The following LAMP3 variants were observed in gnomAD, a reference collection of about 807,000 sequenced individuals.
The protein encoded by LAMP3 is lysosome-associated membrane glycoprotein 3.
A neutral mutation model predicts 34.8 loss-of-function variants in LAMP3; 26 were observed. That is an observed-to-expected ratio of 0.75 (90% confidence interval 0.55 to 1.04). LAMP3 has a LOEUF of 1.04. LAMP3 is among the 50% of genes least tolerant of loss of function. The pLI is 0.00. For missense variants in LAMP3, 495 were observed against 524.0 expected (o/e 0.94, Z 0.54); for synonymous variants, 180 against 201.9 (o/e 0.89, Z 0.92).
At chr3:183,131,832 A>G in intron 5 of LAMP3, 1 of 693,704 alleles carries the variant, frequency 1.4e-6, no homozygotes, top group Non-Finnish European at 1.8e-6. Context: ...TGAATGAAAA[A>G]CCCCCATCAA....
chr3:183,135,634 G>C, intron 5 of LAMP3, 83 bp downstream of exon 5: 3 of 1,283,852 alleles, frequency 2.3e-6, no homozygotes, highest in Non-Finnish European at 3.3e-6. Context: ...TTGCTCCTTC[G>C]ACAGCTGCAG....
At chr3:183,146,490 G>A (rs1032197673) in intron 3 of LAMP3, among the ~76,000 whole-genome samples, 7 of 150,044 alleles carry the variant, frequency 4.7e-5, no homozygotes, top group African/African-American at 7.3e-5. Context: ...CTGGCCTTCA[G>A]TTGTATGTTT....
intron 3 of LAMP3, among the ~76,000 whole-genome samples, chr3:183,150,171 C>T (rs868170603): frequency 5.9e-5 from 9 of 152,162 alleles, no homozygotes; most frequent in Non-Finnish European, 8.8e-5. Context: ...GCTTCTGGCT[C>T]TTTCTGGACA....
chr3:183,160,526 G>C (rs918653349), intron 1 of LAMP3, among the ~76,000 whole-genome samples: 5 of 152,142 alleles, frequency 3.3e-5, no homozygotes, highest in African/African-American at 1.2e-4. Context: ...ACTGTGCCCA[G>C]CCAAGGCCAG....
Position 183,154,057 on chromosome 3 carries a change from G to C in LAMP3, c.384C>G (p.Ser128Arg), listed in dbSNP as rs755331094. 1 of 1,614,166 alleles carries C rather than the reference G, an allele frequency of 6.2e-7. No homozygotes were observed. The highest frequency in any genetic ancestry group is 1.1e-5 in the South Asian group (1 of 91,082). The change falls in exon 2 of 6, where the codon AGC (serine) becomes AGG (arginine). Residue 128 changes from serine (S) to arginine (R), a missense_variant. Transcript: ENST00000265598. ...PPVTEVTVGP[S>R]LAPYSLPPTI... Reference sequence around the variant, plus strand: ...TGGGTGGCAGTGAATAAGGGGCTAAGCTAGGGCCGACTGTAACTTCAGTAA... The same window carrying C: ...TGGGTGGCAGTGAATAAGGGGCTAACCTAGGGCCGACTGTAACTTCAGTAA...
At chr3:183,161,888 C>T (rs1019683278) in intron 1 of LAMP3, 1 of 858,924 alleles carries the variant, frequency 1.2e-6, no homozygotes, top group Non-Finnish European at 1.4e-6. Flanking sequence ...GGAGAACTGC[C>T]TAGGCAAGGG....
chr3:183,130,909 T>C (rs1719900816), intron 5 of LAMP3, among the ~76,000 whole-genome samples: 1 of 152,082 alleles, frequency 6.6e-6, no homozygotes, highest in Admixed American at 6.6e-5. Flanking sequence ...ATCACAGGCT[T>C]CTTAGGGTGA....
chr3:183,162,452 A>G (rs1444736028), intron 1 of LAMP3, among the ~76,000 whole-genome samples, 155 bp downstream of exon 1: 1 of 152,130 alleles, frequency 6.6e-6, no homozygotes, highest in Non-Finnish European at 1.5e-5. Context: ...GCTCTGAGTA[A>G]CTCACGGAAA....
intron 5 of LAMP3, among the ~76,000 whole-genome samples, chr3:183,135,120 C>T (rs552366158): frequency 5.9e-5 from 9 of 152,354 alleles, no homozygotes; most frequent in Middle Eastern, 6.8e-3. Flanking sequence ...ATCAGGCAAG[C>T]TCTGCCTGTG....
intron 5 of LAMP3, chr3:183,132,070 G>A (rs1330847148): frequency 1.0e-6 from 1 of 985,048 alleles, no homozygotes; most frequent in Non-Finnish European, 1.2e-6. Flanking sequence ...ACATTTACAA[G>A]AATAAAATAA....
rs1719703621 is a variant in LAMP3, at chr3:183,122,921, T to G, written c.*1160A>C. ...CAAAGACCTTGATGTCAGACCAACA[T>G]GAATTCAAGCTCTGGCTCTGCCATC... is the stretch of plus-strand genomic sequence containing the variant. On this transcript the variant is annotated 3_prime_UTR_variant, in exon 6 of 6. Coordinates refer to ENST00000265598, the MANE Select transcript of LAMP3 (RefSeq NM_014398.4). The G allele has an allele frequency of 6.6e-6, 1 of 152,152 alleles. No homozygotes were observed. The highest frequency in any genetic ancestry group is 2.4e-5 in the African/African-American group (1 of 41,430). 9.4% of individuals were successfully genotyped at this position (152,152 alleles called of 1,614,324 possible). A position where few individuals can be genotyped will look rare whatever the true frequency, so the allele number is the denominator to read the frequency against.
chr3:183,135,860 G>A lies in LAMP3; in HGVS notation c.974C>T (p.Ala325Val), dbSNP rs145020803. The change falls in exon 5 of 6, where the codon GCG becomes GTG. Residue 325 changes from alanine (A) to valine (V), a missense_variant. By Grantham distance (64) the Ala-to-Val change is moderately conservative (BLOSUM62 0). Transcript: ENST00000265598. ...PETIYQGIKH[A>V]VVMFQTAVGH... ...GACTGCTGTCTGGAACATCACCACC[G>A]CATGTTTGATTCCTTGGTAAATTGT... is the stretch of plus-strand genomic sequence containing the variant. 856 of 1,613,750 alleles carry A rather than the reference G, an allele frequency of 5.3e-4. No individual in the cohort carries two copies. Among genetic ancestry groups the A allele is most frequent in the South Asian group, 6.9e-4 (63 of 91,072 alleles).
chr3:183,125,237 A>C (rs1472620297), intron 5 of LAMP3, among the ~76,000 whole-genome samples: 4 of 152,234 alleles, frequency 2.6e-5, no homozygotes, highest in African/African-American at 9.6e-5. Flanking sequence ...TTATAGCTAA[A>C]AAGATACATG....
chr3:183,122,372 C>A lies in LAMP3; in HGVS notation c.*1709G>T, dbSNP rs895387191. 2 of 152,132 alleles carry A rather than the reference C, an allele frequency of 1.3e-5. No homozygotes were observed. Among genetic ancestry groups the A allele is most frequent in the African/African-American group, 4.8e-5 (2 of 41,418 alleles). 9.4% of individuals were successfully genotyped at this position (152,132 alleles called of 1,614,324 possible). A position where few individuals can be genotyped will look rare whatever the true frequency, so the allele number is the denominator to read the frequency against. ...TTGAATTATTCCTTGACTAAGAATT[C>A]TAGGGTTATGTGGACTTTTCTGTTA... On this transcript the variant is annotated 3_prime_UTR_variant, in exon 6 of 6. Coordinates refer to ENST00000265598, the MANE Select transcript of LAMP3 (RefSeq NM_014398.4).
chr3:183,155,013 C>G (rs1415690554), intron 1 of LAMP3, among the ~76,000 whole-genome samples: 1 of 152,170 alleles, frequency 6.6e-6, no homozygotes, highest in Non-Finnish European at 1.5e-5. Flanking sequence ...CTCCTGGGTT[C>G]AAGCGATTCT....
chr3:183,126,172 C>T (rs181088894), intron 5 of LAMP3, among the ~76,000 whole-genome samples: 2 of 151,672 alleles, frequency 1.3e-5, no homozygotes, highest in Admixed American at 6.6e-5. Context: ...TTTAAATATA[C>T]GTAAAAACTA....
chr3:183,161,600 G>A (rs1234952276), intron 1 of LAMP3, among the ~76,000 whole-genome samples: 4 of 151,902 alleles, frequency 2.6e-5, no homozygotes, highest in Admixed American at 2.0e-4. Flanking sequence ...CGGTGGCCAG[G>A]CTAGTCTCGA....
chr3:183,156,529 C>T (rs2108614012), intron 1 of LAMP3, among the ~76,000 whole-genome samples: 1 of 152,274 alleles, frequency 6.6e-6, no homozygotes, highest in South Asian at 2.1e-4. Flanking sequence ...GAAAGGAGAT[C>T]ACGCTATGCT....
At chr3:183,135,413 A>G (rs1240774988) in intron 5 of LAMP3, among the ~76,000 whole-genome samples, 2 of 152,242 alleles carry the variant, frequency 1.3e-5, no homozygotes, top group Non-Finnish European at 1.5e-5. Context: ...CCAACAGGAC[A>G]TAAAGGGAAG....
Sources: allele counts gnomAD v4.1 joint callset (sites outside exome capture counted in the v4.1 genomes callset), GRCh38; gene constraint gnomAD v4.1.1; transcripts MANE v1.5; gene names NCBI Gene and HGNC (gene_info 2026-07-23, HGNC 2026-07-21).